The following LANCL2 variants were observed in gnomAD, a reference collection of about 807,000 sequenced individuals.
LANCL2 encodes the protein lanC-like protein 2.
LANCL2 carries 33 observed loss-of-function variants against 56.9 expected under a neutral mutation model. The observed-to-expected ratio is 0.58, with a 90% confidence interval of 0.44 to 0.78. The LOEUF is 0.78. LANCL2 is among the 30% of genes least tolerant of loss of function. The pLI is 0.00. For missense variants in LANCL2, 562 were observed against 580.2 expected, an observed-to-expected ratio of 0.97 and a Z score of 0.32; for synonymous variants, 233 against 228.2, an observed-to-expected ratio of 1.02 and a Z score of -0.19.
chr7:55,402,744 C>T (rs13230291), intron 5 of LANCL2, among the ~76,000 whole-genome samples: 3 of 121,066 alleles, frequency 2.5e-5, no homozygotes, highest in South Asian at 2.5e-4. Flanking sequence ...CGGGCGGAGA[C>T]GCTCCTCACT....
At position 55,365,944 on chromosome 7, in the gene LANCL2, C is replaced by T; in HGVS notation, c.-82C>T. On this transcript the variant is annotated 5_prime_UTR_variant, in exon 1 of 9. Transcript: ENST00000254770. ...CCTAGAGGACGCTCTCTGCGCGGGCCCTCGGAGGAGGCGGCGGCGGGGCGA... is the reference window on the plus strand; with the variant it reads ...CCTAGAGGACGCTCTCTGCGCGGGCTCTCGGAGGAGGCGGCGGCGGGGCGA... 8.7e-7 allele frequency: 1 copy of T among 1,150,556 alleles called. No homozygotes were observed. The highest frequency in any genetic ancestry group is 1.2e-6 in the Non-Finnish European group (1 of 855,094). 71.3% of individuals were successfully genotyped at this position (1,150,556 alleles called of 1,614,324 possible).
intron 2 of LANCL2, among the ~76,000 whole-genome samples, chr7:55,392,540 G>A (rs919602169): frequency 1.5e-5 from 2 of 129,514 alleles, no homozygotes; most frequent in Non-Finnish European, 3.4e-5. Flanking sequence ...TTGTAAAGAC[G>A]GAGTCTCACT....
intron 6 of LANCL2, among the ~76,000 whole-genome samples, chr7:55,414,709 G>A (rs1790506874): frequency 6.6e-6 from 1 of 152,130 alleles, no homozygotes; most frequent in Non-Finnish European, 1.5e-5. Flanking sequence ...GCCAGACACT[G>A]TGGCTCACAC....
chr7:55,385,070 C>G (rs1257306642), intron 1 of LANCL2, among the ~76,000 whole-genome samples: 3 of 152,060 alleles, frequency 2.0e-5, no homozygotes, highest in Non-Finnish European at 4.4e-5. Context: ...ACCTGTAGTC[C>G]CAGTTACTTG....
chr7:55,382,076 T>A (rs1371460599), intron 1 of LANCL2, among the ~76,000 whole-genome samples: 1 of 152,170 alleles, frequency 6.6e-6, no homozygotes, highest in Middle Eastern at 3.2e-3. Context: ...CATCCTTATG[T>A]CAAAATGAAT....
At chr7:55,393,570 A>C (rs889257528) in intron 2 of LANCL2, among the ~76,000 whole-genome samples, 1 of 150,386 alleles carries the variant, frequency 6.6e-6, no homozygotes, top group African/African-American at 2.5e-5. Flanking sequence ...CCAAAAAAAA[A>C]CAGCATAGAC....
chr7:55,397,005 T>G (rs748964652), intron 2 of LANCL2: 5 of 152,206 alleles, frequency 3.3e-5, no homozygotes, highest in Non-Finnish European at 5.9e-5. Flanking sequence ...TTTTCAGAGC[T>G]TCCAAATATT....
intron 5 of LANCL2, among the ~76,000 whole-genome samples, chr7:55,402,140 T>C (rs1407953332): frequency 7.1e-6 from 1 of 140,054 alleles, no homozygotes; most frequent in African/African-American, 2.7e-5. Context: ...GCCCCTCACC[T>C]CCCGGACGGG....
At position 55,433,375 on chromosome 7, in the gene LANCL2, T is replaced by C. The variant is rs1206036472; in HGVS notation, c.*2055T>C. 6.6e-6 allele frequency: 1 copy of C among 152,226 alleles called. No homozygotes were observed. The highest frequency in any genetic ancestry group is 2.4e-5 in the African/African-American group (1 of 41,460). 9.4% of individuals were successfully genotyped at this position (152,226 alleles called of 1,614,324 possible). On this transcript the variant is annotated 3_prime_UTR_variant, in exon 9 of 9. Transcript: ENST00000254770. ...ACCTGGGTTGACACCTTCCTACTTA[T>C]CCACTAGATGTCATCAGAGGTGCTG...
At chr7:55,417,285 G>T (rs1290709845) in intron 6 of LANCL2, among the ~76,000 whole-genome samples, 1 of 150,814 alleles carries the variant, frequency 6.6e-6, no homozygotes, top group Non-Finnish European at 1.5e-5. Flanking sequence ...AGCCTGAGGT[G>T]TTTTTTTTTA....
intron 1 of LANCL2, among the ~76,000 whole-genome samples, chr7:55,381,194 A>T (rs1790064641): frequency 6.6e-6 from 1 of 152,116 alleles, no homozygotes. Flanking sequence ...TCTGTAGGGT[A>T]TGTTATAGTG....
intron 1 of LANCL2, among the ~76,000 whole-genome samples, chr7:55,368,866 C>G (rs998551179): frequency 3.7e-4 from 57 of 152,158 alleles, no homozygotes; most frequent in African/African-American, 1.3e-3. Flanking sequence ...AAAAGAGAAG[C>G]AGGTATGATG....
intron 1 of LANCL2, among the ~76,000 whole-genome samples, chr7:55,383,323 G>A (rs957672774): frequency 6.6e-6 from 1 of 152,200 alleles, no homozygotes; most frequent in Non-Finnish European, 1.5e-5. Flanking sequence ...TGTGGTGGAT[G>A]AGGAGGAATG....
At position 55,412,020 on chromosome 7, in the gene LANCL2, A is replaced by G; in HGVS notation, c.939A>G (p.Glu313=). The G allele has an allele frequency of 6.2e-7, 1 of 1,614,260 alleles. No homozygotes were observed. The change falls in exon 6 of 9, where the codon GAA becomes GAG. Residue 313 remains glutamate, a synonymous_variant. Transcript: ENST00000254770. The part of the protein sequence containing the change: ...SGNYPSSLSN[E]TDRLVHWCHG... The stretch of plus-strand genomic sequence containing the variant: ...ATTACCCATCATCATTAAGCAATGA[A>G]ACAGACCGGCTGGTGCACTGGTGCC...
Position 55,432,435 on chromosome 7 carries a change from G to A in LANCL2, c.*1115G>A, listed in dbSNP as rs1790740156. The A allele has an allele frequency of 1.3e-5, 2 of 152,124 alleles. No individual in the cohort carries two copies. Among genetic ancestry groups the A allele is most frequent in the South Asian group, 4.1e-4 (2 of 4,832 alleles). The allele number at this position is 152,124 out of a possible 1,614,324, so 9.4% of individuals were successfully genotyped here. On this transcript the variant is annotated 3_prime_UTR_variant, in exon 9 of 9. Coordinates refer to ENST00000254770, the MANE Select transcript of LANCL2 (RefSeq NM_018697.4). ...TATGGTATTTGTGTGACTTTTATTTGAAAAAATGTGAGCAGTAATTTGGGT... is the reference window on the plus strand; with the variant it reads ...TATGGTATTTGTGTGACTTTTATTTAAAAAAATGTGAGCAGTAATTTGGGT...
chr7:55,387,015 T>G (rs563847592), intron 1 of LANCL2, among the ~76,000 whole-genome samples: 38 of 152,318 alleles, frequency 2.5e-4, no homozygotes, highest in Middle Eastern at 6.8e-3. Context: ...AAGGTGAAAC[T>G]GATGAACTCT....
chr7:55,380,003 A>G (rs1477908661), intron 1 of LANCL2, among the ~76,000 whole-genome samples: 2 of 152,208 alleles, frequency 1.3e-5, no homozygotes, highest in Admixed American at 1.3e-4. Flanking sequence ...TTTCTAACTC[A>G]GCTTTCGCTA....
chr7:55,430,823 A>G (rs1246307233), intron 8 of LANCL2, among the ~76,000 whole-genome samples: 1 of 152,180 alleles, frequency 6.6e-6, no homozygotes, highest in Non-Finnish European at 1.5e-5. Context: ...GACCAAATTG[A>G]GGTTTGTTAA....
At chr7:55,423,479 T>A (rs1790630642) in intron 6 of LANCL2, among the ~76,000 whole-genome samples, 1 of 152,234 alleles carries the variant, frequency 6.6e-6, no homozygotes, top group African/African-American at 2.4e-5. Context: ...ACCCATTAGC[T>A]TTGACCAAAT....
Sources: allele counts gnomAD v4.1 joint callset (sites outside exome capture counted in the v4.1 genomes callset), GRCh38; gene constraint gnomAD v4.1.1; transcripts MANE v1.5; gene names NCBI Gene and HGNC (gene_info 2026-07-23, HGNC 2026-07-21).